TACR1: variants seen among roughly 807,000 people sequenced by gnomAD.
TACR1 encodes the protein tachykinin receptor 1, also known as substance-P receptor.
Under a neutral mutation model 35.8 loss-of-function variants are expected in TACR1, and 25 were observed. The observed-to-expected ratio is 0.70, with a 90% confidence interval of 0.51 to 0.98. The LOEUF (loss-of-function observed/expected upper bound fraction) is 0.98, where lower values mean the gene tolerates loss of function less well. Ranked by LOEUF, TACR1 falls within the 50% of genes least tolerant of loss-of-function variation. The pLI is 0.00. For missense variants in TACR1, 478 were observed against 522.9 expected, an observed-to-expected ratio of 0.91 and a Z score of 0.84; for synonymous variants, 195 against 206.7, an observed-to-expected ratio of 0.94 and a Z score of 0.48.
chr2:75,132,643 T>G (rs962516913), intron 1 of TACR1, among the ~76,000 whole-genome samples: 1 of 152,216 alleles, frequency 6.6e-6, no homozygotes, highest in Non-Finnish European at 1.5e-5. Flanking sequence ...ATTATCTGTT[T>G]TATGCTCACT....
chr2:75,154,329 C>G (rs934876168), intron 1 of TACR1: 1 of 152,252 alleles, frequency 6.6e-6, no homozygotes, highest in African/African-American at 2.4e-5. Context: ...CAAGGAAGGA[C>G]TGCTTTGCTG....
At chr2:75,049,862 A>G in intron 4 of TACR1, 139 bp from the exon 5 acceptor site, 1 of 1,087,044 alleles carries the variant, frequency 9.2e-7, no homozygotes, top group Non-Finnish European at 1.3e-6. Flanking sequence ...TGACAGCTGG[A>G]GATGCTGAGG....
intron 1 of TACR1, among the ~76,000 whole-genome samples, chr2:75,170,236 T>C (rs1675244415): frequency 6.6e-6 from 1 of 152,168 alleles, no homozygotes; most frequent in Non-Finnish European, 1.5e-5. Context: ...CTTGTGATAG[T>C]GAATAAGTCT....
At chr2:75,152,395 A>T (rs938314902) in intron 1 of TACR1, among the ~76,000 whole-genome samples, 1 of 152,172 alleles carries the variant, frequency 6.6e-6, no homozygotes, top group East Asian at 1.9e-4. Flanking sequence ...AATAAGTCTC[A>T]TGAGATCTGA....
chr2:75,084,659 G>A (rs1212482855), intron 2 of TACR1, among the ~76,000 whole-genome samples: 4 of 151,994 alleles, frequency 2.6e-5, no homozygotes, highest in African/African-American at 7.2e-5. Context: ...GTCTTGGGAG[G>A]GTGTATGTGT....
At chr2:75,083,722 CTGTT>C (rs1423527765) in intron 2 of TACR1, among the ~76,000 whole-genome samples, 2 of 151,960 alleles carry the variant, frequency 1.3e-5, no homozygotes, top group South Asian at 2.1e-4. Flanking sequence ...ATTTGGCTCT[CTGTT>C]TGTCTGTTAT....
At chr2:75,183,704 G>A (rs1159007981) in intron 1 of TACR1, among the ~76,000 whole-genome samples, 2 of 152,140 alleles carry the variant, frequency 1.3e-5, no homozygotes, top group Non-Finnish European at 2.9e-5. Flanking sequence ...GTACACGGCT[G>A]GGTTTCTTTC....
intron 1 of TACR1, among the ~76,000 whole-genome samples, chr2:75,172,284 C>G (rs1385684688): frequency 6.6e-6 from 1 of 152,150 alleles, no homozygotes; most frequent in Admixed American, 6.5e-5. Flanking sequence ...GGAAGGCACC[C>G]TGAACAGCCC....
intron 1 of TACR1, among the ~76,000 whole-genome samples, chr2:75,180,352 A>G (rs1675533158): frequency 1.3e-5 from 2 of 152,220 alleles, no homozygotes; most frequent in Non-Finnish European, 2.9e-5. Flanking sequence ...TATTAATTAC[A>G]TTAATGGTCC....
At chr2:75,099,146 G>A (rs1161074108) in intron 2 of TACR1, among the ~76,000 whole-genome samples, 4 of 151,956 alleles carry the variant, frequency 2.6e-5, no homozygotes, top group Admixed American at 6.6e-5. Flanking sequence ...GCTCTGGCTC[G>A]GAGCCTCCCT....
chr2:75,066,142 G>A (rs777203478), intron 2 of TACR1, among the ~76,000 whole-genome samples: 6 of 152,198 alleles, frequency 3.9e-5, no homozygotes, highest in Non-Finnish European at 8.8e-5. Flanking sequence ...TCTACCTGCA[G>A]TAGTTTCATT....
intron 2 of TACR1, among the ~76,000 whole-genome samples, chr2:75,087,219 G>A (rs1431423719): frequency 6.6e-6 from 1 of 152,180 alleles, no homozygotes; most frequent in Non-Finnish European, 1.5e-5. Context: ...TGTACGTTAA[G>A]AAATGTGGCT....
Position 75,154,406 on chromosome 2 carries a change from G to GCTCGCGTGCGCGCGCGCGCA in TACR1, c.390-33639_390-33638insTGCGCGCGCGCGCACGCGAG, listed in dbSNP as rs1264139655. On this transcript the variant is annotated intron_variant, in intron 1 of 4. Transcript: ENST00000305249. ...CAGGGAGATAATCAGCCAAGAGCGCGCACGCACACACACACACACACACAC... is the reference window on the plus strand; with the variant it reads ...CAGGGAGATAATCAGCCAAGAGCGCGCTCGCGTGCGCGCGCGCGCACACGCACACACACACACACACACAC... 6.4e-5 allele frequency: 5 copies of GCTCGCGTGCGCGCGCGCGCA among 78,514 alleles called. No individual in the cohort carries two copies. The Admixed American group carries it at 6.4e-4, about 10-fold the overall frequency. 4.9% of individuals were successfully genotyped at this position (78,514 alleles called of 1,614,324 possible).
intron 1 of TACR1, among the ~76,000 whole-genome samples, chr2:75,166,888 G>T (rs1675156870): frequency 6.6e-6 from 1 of 152,190 alleles, no homozygotes; most frequent in South Asian, 2.1e-4. Context: ...CTGCATTTGG[G>T]TTATAGATGC....
chr2:75,061,053 T>A (rs1432629373), intron 2 of TACR1, among the ~76,000 whole-genome samples: 3 of 152,084 alleles, frequency 2.0e-5, no homozygotes, highest in East Asian at 1.9e-4. Flanking sequence ...CAGTTAGATG[T>A]CTGTATCTGG....
chr2:75,148,963 A>G (rs558277316), intron 1 of TACR1, among the ~76,000 whole-genome samples: 7 of 152,318 alleles, frequency 4.6e-5, no homozygotes, highest in Admixed American at 2.0e-4. Context: ...TCCCAGCACC[A>G]TTTATTAGAT....
rs114932588 is a variant in TACR1 at position 75,161,452 on chromosome 2, C to T, written c.389+37094G>A. On this transcript the variant is annotated intron_variant, in intron 1 of 4. Coordinates refer to ENST00000305249, the MANE Select transcript of TACR1 (RefSeq NM_001058.4). Reference sequence around the variant, plus strand: ...AAGAAAAGGGAATTAGAAATACATACTAAAATGTTAATCTTTCACAGAGGT... The same window carrying T: ...AAGAAAAGGGAATTAGAAATACATATTAAAATGTTAATCTTTCACAGAGGT... Among the ~76,000 whole-genome samples the T allele has an allele frequency of 4.4e-3, 672 of 152,104 alleles. 6 individuals are homozygous for T. The highest frequency in any genetic ancestry group is 0.016 in the African/African-American group (657 of 41,528).
chr2:75,049,824 T>C, intron 4 of TACR1, 101 bp from the exon 5 acceptor site: 2 of 1,294,830 alleles, frequency 1.5e-6, no homozygotes, highest in South Asian at 3.0e-5. Flanking sequence ...TACCCAAGCG[T>C]GATTCTGTTA....
chr2:75,147,201 C>T (rs531452686), intron 1 of TACR1, among the ~76,000 whole-genome samples: 16 of 152,280 alleles, frequency 1.1e-4, no homozygotes, highest in Admixed American at 1.0e-3. Flanking sequence ...TGGAAAATGC[C>T]CCCACCAAAG....
Sources: allele counts gnomAD v4.1 joint callset (sites outside exome capture counted in the v4.1 genomes callset), GRCh38; gene constraint gnomAD v4.1.1; transcripts MANE v1.5; gene names NCBI Gene and HGNC (gene_info 2026-07-23, HGNC 2026-07-21).